TMEM209: variants seen among roughly 807,000 people sequenced by gnomAD.
TMEM209 encodes the protein testicular tissue protein Li 202.
A neutral mutation model predicts 76.2 loss-of-function variants in TMEM209; 65 were observed. That is an observed-to-expected ratio of 0.85 (90% CI 0.70 to 1.05). The LOEUF (loss-of-function observed/expected upper bound fraction) is 1.05. TMEM209 is among the 50% of genes least tolerant of loss of function. The probability of loss-of-function intolerance (pLI) is 0.00; values close to 1 mark genes in which losing one functional copy is unlikely to be tolerated. For synonymous variants in TMEM209, 239 were observed against 237.6 expected (o/e 1.01, Z -0.06); for missense variants, 623 against 685.5 (o/e 0.91, Z 1.02).
At chr7:130,182,744 A>G (rs1166753350) in intron 8 of TMEM209, among the ~76,000 whole-genome samples, 2 of 152,256 alleles carry the variant, frequency 1.3e-5, no homozygotes, top group Non-Finnish European at 2.9e-5. Flanking sequence ...AAAGGATGAA[A>G]AAATGTTTCC....
In TMEM209 at chr7:130,203,846, C is replaced by T. The variant is rs1157910522; in HGVS notation, c.141G>A (p.Met47Ile). The part of the protein sequence containing the change: ...VSMAGMIYTE[M>I]TGKLISSYYN... ...AGTATGAACTAATCAATTTTCCAGT[C>T]CTGAAAAAAAATTAGAAAGGCTTTC... The change falls in exon 3 of 15, where the codon ATG becomes ATA. Residue 47 changes from methionine (M) to isoleucine (I), a missense_variant and splice_region_variant. By Grantham distance (10) the Met-to-Ile change is conservative (BLOSUM62 1). Coordinates refer to ENST00000397622, the MANE Select transcript of TMEM209 (RefSeq NM_032842.4). 1 of 1,589,640 alleles carries T rather than the reference C, an allele frequency of 6.3e-7. No individual in the cohort carries two copies. Among genetic ancestry groups the T allele is most frequent in the Non-Finnish European group, 8.5e-7 (1 of 1,170,178 alleles).
intron 14 of TMEM209, among the ~76,000 whole-genome samples, chr7:130,169,732 A>G (rs1797006196): frequency 6.6e-6 from 1 of 151,084 alleles, no homozygotes; most frequent in South Asian, 2.1e-4. Flanking sequence ...CTCCAAGCCC[A>G]TCCCCCCTTT....
chr7:130,204,476 G>C (rs150265655), intron 1 of TMEM209, among the ~76,000 whole-genome samples: 5 of 152,186 alleles, frequency 3.3e-5, no homozygotes, highest in Non-Finnish European at 7.4e-5. Context: ...CGAGTAGCTG[G>C]GATTACAGAC....
intron 10 of TMEM209, 68 bp from the exon 11 acceptor site, chr7:130,175,677 G>T: frequency 8.0e-7 from 1 of 1,246,678 alleles, no homozygotes; most frequent in South Asian, 1.4e-5. Context: ...AAAAAGCTAA[G>T]GGAATATAAT....
chr7:130,198,521 G>A (rs11979382), intron 5 of TMEM209, among the ~76,000 whole-genome samples: 9,191 of 152,070 alleles, frequency 0.06, 317 homozygotes, highest in Middle Eastern at 0.14. Flanking sequence ...TAAGGCAGGA[G>A]AATCCCTTCA....
intron 6 of TMEM209, among the ~76,000 whole-genome samples, chr7:130,187,318 A>G (rs1797635584): frequency 6.6e-6 from 1 of 152,268 alleles, no homozygotes; most frequent in East Asian, 1.9e-4. Flanking sequence ...CAAAAAAGTA[A>G]GGCTATGAAT....
intron 4 of TMEM209, 88 bp from the exon 5 acceptor site, chr7:130,202,179 A>G (rs566846097): frequency 6.9e-7 from 1 of 1,459,704 alleles, no homozygotes; most frequent in African/African-American, 1.4e-5. Context: ...TCTTTCTCTT[A>G]AGGGAAAAAA....
At chr7:130,184,351 T>G in intron 7 of TMEM209, 96 bp from the exon 8 acceptor site, 2 of 937,156 alleles carry the variant, frequency 2.1e-6, no homozygotes, top group Non-Finnish European at 3.1e-6. Flanking sequence ...TTTAATGAAC[T>G]TTGAAAAAAA....
In TMEM209 at chr7:130,177,110, T is replaced by C. The variant is rs541876797; in HGVS notation, c.1246+1292A>G. Among the ~76,000 whole-genome samples the C allele has an allele frequency of 3.3e-5, 5 of 151,812 alleles. No individual in the cohort carries two copies. In the East Asian group the frequency reaches 9.7e-4, roughly 29 times the overall value. On this transcript the variant is annotated intron_variant, in intron 10 of 14. Coordinates refer to ENST00000397622, the MANE Select transcript of TMEM209 (RefSeq NM_032842.4). ...ACCCACGCCTGTAATCCCAGCACTT[T>C]AGGAGGCCAAGGTGGGTGGATCACG...
At chr7:130,188,432 TA>T (rs1203934313) in intron 6 of TMEM209, among the ~76,000 whole-genome samples, 1 of 151,334 alleles carries the variant, frequency 6.6e-6, no homozygotes. Flanking sequence ...CCGTCTCTAC[TA>T]AAAATACAAA....
intron 11 of TMEM209, 143 bp downstream of exon 11, chr7:130,175,369 G>C (rs908255767): frequency 2.9e-6 from 2 of 681,084 alleles, no homozygotes; most frequent in Non-Finnish European, 4.7e-6. Flanking sequence ...GCTGAGCTGG[G>C]AGGAGCACTT....
Position 130,203,807 on chromosome 7 carries a change from G to A in TMEM209, c.180C>T (p.Tyr60=). Residue 60 remains tyrosine (Y), a synonymous_variant, in exon 3 of 15, where the codon TAC becomes TAT. Coordinates refer to ENST00000397622, the MANE Select transcript of TMEM209 (RefSeq NM_032842.4). The part of the protein sequence containing the change: ...KLISSYYNVT[Y]WPLWYIELAL... ...ACTTACCAATATACCAGAGGGGCCA[G>A]TATGTCACATTGTAGTATGAACTAA... 1 of 1,605,538 alleles carries A rather than the reference G, an allele frequency of 6.2e-7. No homozygotes were observed. The highest frequency in any genetic ancestry group is 8.5e-7 in the Non-Finnish European group (1 of 1,175,634).
rs549069316 is a variant in TMEM209 at position 130,188,620 on chromosome 7, A to G, written c.776-3253T>C. Among the ~76,000 whole-genome samples the G allele has an allele frequency of 3.5e-3, 488 of 140,688 alleles. 1 individual carries two copies. Among genetic ancestry groups the G allele is most frequent in the African/African-American group, 0.012 (450 of 39,016 alleles). The allele number at this position is 140,688 out of a possible 152,430, so 92.3% of individuals were successfully genotyped here. On this transcript the variant is annotated intron_variant, in intron 6 of 14. Transcript: ENST00000397622. The stretch of plus-strand genomic sequence containing the variant: ...CAAAAAAAAAAAAAAAAAAAAAAAA[A>G]GAAAATCTCTACTTTATAATCACCA...
At chr7:130,170,522 C>A (rs575293687) in intron 13 of TMEM209, 49 bp from the exon 14 acceptor site, 3 of 1,446,430 alleles carry the variant, frequency 2.1e-6, no homozygotes, top group South Asian at 2.4e-5. Flanking sequence ...GAAAAAGATT[C>A]AATCTGGTAG....
intron 14 of TMEM209, among the ~76,000 whole-genome samples, chr7:130,169,322 A>G (rs1796983694): frequency 6.6e-6 from 1 of 152,198 alleles, no homozygotes; most frequent in Admixed American, 6.5e-5. Flanking sequence ...GCTGTCCAAT[A>G]AAAATACAAT....
intron 6 of TMEM209, 46 bp from the exon 7 acceptor site, chr7:130,185,413 G>A (rs1411612782): frequency 7.7e-6 from 12 of 1,550,030 alleles, no homozygotes; most frequent in Non-Finnish European, 1.1e-5. Context: ...TAGCAATTCT[G>A]ACATCTACAG....
chr7:130,204,976 G>C, intron 1 of TMEM209: 1 of 1,113,596 alleles, frequency 9.0e-7, no homozygotes, highest in Non-Finnish European at 1.1e-6. Flanking sequence ...CTTATGATGG[G>C]GTGGTGAGCG....
chr7:130,205,317 C>G, intron 1 of TMEM209, 56 bp downstream of exon 1: 2 of 1,613,800 alleles, frequency 1.2e-6, no homozygotes, highest in Non-Finnish European at 1.7e-6. Flanking sequence ...CGCGGAACTC[C>G]CACAACCCGC....
At chr7:130,174,587 A>G (rs1797175557) in intron 11 of TMEM209, among the ~76,000 whole-genome samples, 1 of 152,236 alleles carries the variant, frequency 6.6e-6, no homozygotes, top group Non-Finnish European at 1.5e-5. Context: ...GAATCTCAAC[A>G]TAAAACTTAA....
Sources: gnomAD v4.1 joint callset for allele counts (sites outside exome capture counted in the v4.1 genomes callset) on GRCh38, gnomAD v4.1.1 for gene constraint, MANE v1.5 for transcripts, NCBI Gene and HGNC (gene_info 2026-07-23, HGNC 2026-07-21) for gene names.